ADH4: variants seen among roughly 807,000 people sequenced by gnomAD.
ADH4 encodes the protein alcohol dehydrogenase 4 (class II), pi polypeptide.
In ADH4, 31 loss-of-function variants were observed where a neutral mutation model predicts 35.2. The ratio of observed to expected loss-of-function variants is 0.88; its 90% CI spans 0.66 to 1.19. The LOEUF (loss-of-function observed/expected upper bound fraction) is 1.19, where lower values mean the gene tolerates loss of function less well. Among genes scored for constraint, ADH4 ranks in the 50% most tolerant of loss-of-function variants. The pLI is 0.00. For missense variants in ADH4, 476 were observed against 458.3 expected, an observed-to-expected ratio of 1.04 and a Z score of -0.35; for synonymous variants, 171 against 160.2, an observed-to-expected ratio of 1.07 and a Z score of -0.51.
In ADH4 at chr4:99,131,667, C is replaced by T. The variant is rs142365973; in HGVS notation, c.680G>A (p.Gly227Asp). 3.3e-5 allele frequency: 53 copies of T among 1,614,016 alleles called. No homozygotes were observed. The South Asian group carries it at 4.8e-4, about 15-fold the overall frequency. ...AAACTTCTCACTGTTGATGTCAATACCTATGATTCTGGAAGCTCCTGCTGC... is the reference window on the plus strand; with the variant it reads ...AAACTTCTCACTGTTGATGTCAATATCTATGATTCTGGAAGCTCCTGCTGC... Reference protein sequence around the residue: ...CKAAGASRIIGIDINSEKFVK... With the variant: ...CKAAGASRIIDIDINSEKFVK... Residue 227 changes from glycine to aspartate, a missense_variant, in exon 6 of 9, where the codon GGT becomes GAT. Gly to Asp is a moderately conservative substitution (Grantham distance 94, BLOSUM62 -1). Transcript: ENST00000265512.
At chr4:99,128,003 C>CTTTT (rs531060104) in intron 6 of ADH4, among the ~76,000 whole-genome samples, 29,414 of 146,418 alleles carry the variant, frequency 0.2, 3,551 homozygotes, top group Non-Finnish European at 0.28. Context: ...CGTTGTGTGA[C>CTTTT]TTTTTTTTTT....
chr4:99,138,975 T>G, intron 4 of ADH4, 86 bp downstream of exon 4: 1 of 959,182 alleles, frequency 1.0e-6, no homozygotes, highest in Non-Finnish European at 1.6e-6. Flanking sequence ...GGTTTGCACC[T>G]CTTCAAGGCC....
intron 3 of ADH4, among the ~76,000 whole-genome samples, chr4:99,140,583 A>G (rs1308290519): frequency 6.6e-6 from 1 of 151,434 alleles, no homozygotes; most frequent in Non-Finnish European, 1.5e-5. Flanking sequence ...AACAAAAAAA[A>G]AAGTCTGGGC....
chr4:99,143,070 C>A, intron 1 of ADH4: 1 of 689,800 alleles, frequency 1.4e-6, no homozygotes. Context: ...AAGTTTTTCC[C>A]TCTATAACAG....
chr4:99,141,434 C>A, intron 3 of ADH4, 107 bp downstream of exon 3: 2 of 1,073,106 alleles, frequency 1.9e-6, no homozygotes, highest in Non-Finnish European at 2.6e-6. Context: ...AAAGATGGTC[C>A]CCTTTTGTAA....
At position 99,126,691 on chromosome 4, in the gene ADH4, A is replaced by C; in HGVS notation, c.1021T>G (p.Tyr341Asp). 1 of 1,610,856 alleles carries C rather than the reference A, an allele frequency of 6.2e-7. No individual in the cohort carries two copies. Among genetic ancestry groups the C allele is most frequent in the South Asian group, 1.1e-5 (1 of 90,728 alleles). Reference protein sequence around the residue: ...VDSIPKLVTDYKNKKFNLDAL... With the variant: ...VDSIPKLVTDDKNKKFNLDAL... ...TCCAGATTGAATTTCTTATTCTTAT[A>C]GTCAGTGACCAGCTTTGGGATAGAA... The change falls in exon 8 of 9, where the codon TAT (tyrosine) becomes GAT (aspartate). Residue 341 changes from tyrosine (Y) to aspartate (D), a missense_variant. By Grantham distance (160) the Tyr-to-Asp change is radical. Coordinates refer to ENST00000265512, the MANE Select transcript of ADH4 (RefSeq NM_000670.5).
In ADH4 at chr4:99,124,334, A is replaced by C; in HGVS notation, c.*108T>G. 1.3e-6 allele frequency: 1 copy of C among 754,594 alleles called. No individual in the cohort carries two copies. Among genetic ancestry groups the C allele is most frequent in the Non-Finnish European group, 2.2e-6 (1 of 453,538 alleles). 46.7% of individuals were successfully genotyped at this position (754,594 alleles called of 1,614,324 possible). On this transcript the variant is annotated 3_prime_UTR_variant, in exon 9 of 9. Transcript: ENST00000265512. ...CTTTTATGTTCCCATATTAAATGTA[A>C]ATATTTGTTTAAACTCATGGCTTTC...
chr4:99,131,476 A>G, intron 6 of ADH4, 28 bp downstream of exon 6: 1 of 1,599,516 alleles, frequency 6.3e-7, no homozygotes, highest in South Asian at 1.1e-5. Flanking sequence ...TACATTGAAA[A>G]TATGATCCAA....
chr4:99,128,003 CT>C (rs531060104), intron 6 of ADH4, among the ~76,000 whole-genome samples: 144 of 146,562 alleles, frequency 9.8e-4, no homozygotes, highest in Admixed American at 1.2e-3. Flanking sequence ...CGTTGTGTGA[CT>C]TTTTTTTTTT....
At chr4:99,142,851 G>A in intron 1 of ADH4, 71 bp from the exon 2 acceptor site, 1 of 1,121,400 alleles carries the variant, frequency 8.9e-7, no homozygotes, top group Non-Finnish European at 1.3e-6. Flanking sequence ...GTAGGAGAGA[G>A]GAGATCATGA....
Position 99,131,540 on chromosome 4 carries a change from A to G in ADH4, c.807T>C (p.Asp269=). 6.2e-7 allele frequency: 1 copy of G among 1,614,048 alleles called. No homozygotes were observed. Among genetic ancestry groups the G allele is most frequent in the Non-Finnish European group, 8.5e-7 (1 of 1,179,990 alleles). Residue 269 remains aspartate, a synonymous_variant, in exon 6 of 9, where the codon GAT becomes GAC. Coordinates refer to ENST00000265512, the MANE Select transcript of ADH4 (RefSeq NM_000670.5). ...VIIELTKGGV[D]FALDCAGGSE... ...ATCCACCTGCACAGTCAAGGGCAAA[A>G]TCCACACCTCCCTTGGTCAATTCAA... is the stretch of plus-strand genomic sequence containing the variant.
intron 4 of ADH4, among the ~76,000 whole-genome samples, chr4:99,137,373 G>T (rs183566869): frequency 1.4e-4 from 22 of 152,026 alleles, no homozygotes; most frequent in African/African-American, 5.1e-4. Context: ...CTATCCACCC[G>T]CCTCAGCCTC....
chr4:99,138,245 A>T (rs900191085), intron 4 of ADH4, among the ~76,000 whole-genome samples: 6 of 152,240 alleles, frequency 3.9e-5, no homozygotes, highest in Admixed American at 1.3e-4. Context: ...TGCAAAAAAA[A>T]TTAGTTCTTT....
At chr4:99,134,119 G>T (rs1469137659) in intron 5 of ADH4, among the ~76,000 whole-genome samples, 1 of 152,122 alleles carries the variant, frequency 6.6e-6, no homozygotes, top group Non-Finnish European at 1.5e-5. Flanking sequence ...GCTCACAGAA[G>T]CAGAGACTAG....
chr4:99,126,837 T>C, intron 7 of ADH4, 105 bp from the exon 8 acceptor site: 1 of 1,071,870 alleles, frequency 9.3e-7, no homozygotes, highest in South Asian at 2.4e-5. Context: ...TTTGGTTTGC[T>C]TCAAATAGAT....
At chr4:99,130,026 C>T (rs1172905382) in intron 6 of ADH4, among the ~76,000 whole-genome samples, 1 of 152,234 alleles carries the variant, frequency 6.6e-6, no homozygotes, top group South Asian at 2.1e-4. Context: ...TAAGAAACAA[C>T]ATTTTACATT....
intron 8 of ADH4, among the ~76,000 whole-genome samples, chr4:99,125,490 G>C (rs1729059062): frequency 6.6e-6 from 1 of 152,184 alleles, no homozygotes; most frequent in Non-Finnish European, 1.5e-5. Flanking sequence ...GTTTGTGTTC[G>C]AGGATATGAA....
At chr4:99,128,152 G>A (rs1262066005) in intron 6 of ADH4, among the ~76,000 whole-genome samples, 2 of 152,104 alleles carry the variant, frequency 1.3e-5, no homozygotes, top group East Asian at 3.9e-4. Flanking sequence ...TAGTTAACAA[G>A]GGCCAGGCAT....
At chr4:99,135,293 G>T (rs896082182) in intron 5 of ADH4, among the ~76,000 whole-genome samples, 4 of 152,048 alleles carry the variant, frequency 2.6e-5, no homozygotes, top group African/African-American at 4.8e-5. Flanking sequence ...GCCAGGCATC[G>T]TGGTGCATGC....
Sources: gnomAD v4.1 joint callset for allele counts (sites outside exome capture counted in the v4.1 genomes callset) on GRCh38, gnomAD v4.1.1 for gene constraint, MANE v1.5 for transcripts, NCBI Gene and HGNC (gene_info 2026-07-23, HGNC 2026-07-21) for gene names.